FSTL5: variants seen among roughly 807,000 people sequenced by gnomAD.
FSTL5 encodes follistatin like 5.
A neutral mutation model predicts 89.1 loss-of-function variants in FSTL5; 62 were observed. The observed-to-expected ratio is 0.70, with a 90% confidence interval of 0.57 to 0.86. The LOEUF is 0.86. Among genes scored for constraint, FSTL5 ranks in the 40% least tolerant of loss-of-function variants. The pLI, the probability that FSTL5 is intolerant of heterozygous loss-of-function variation, is 0.00. For missense variants in FSTL5, 1,057 were observed against 1,001.6 expected (o/e 1.06, Z -0.75); for synonymous variants, 383 against 346.2 (o/e 1.11, Z -1.18).
intron 3 of FSTL5, among the ~76,000 whole-genome samples, chr4:161,980,169 A>AAAAG (rs368661901): frequency 0.13 from 20,174 of 150,038 alleles, 2,011 homozygotes; most frequent in African/African-American, 0.28. Context: ...GAAAGAAAGA[A>AAAAG]AAAGAAAGAG....
chr4:161,432,355 G>C (rs4691009), intron 15 of FSTL5, among the ~76,000 whole-genome samples: 114,315 of 151,954 alleles, frequency 0.75, 43,204 homozygotes, highest in South Asian at 0.94. Flanking sequence ...TCCTGAATGA[G>C]CAGCGAGTCA....
chr4:161,418,419 T>C (rs1731862034), intron 15 of FSTL5, among the ~76,000 whole-genome samples: 1 of 152,168 alleles, frequency 6.6e-6, no homozygotes, highest in Admixed American at 6.5e-5. Flanking sequence ...CCCACCTTAT[T>C]TGTTACTGCT....
At chr4:161,838,999 T>C (rs1731132856) in intron 4 of FSTL5, among the ~76,000 whole-genome samples, 2 of 151,904 alleles carry the variant, frequency 1.3e-5, no homozygotes, top group African/African-American at 4.8e-5. Context: ...AAATGAGAAA[T>C]CTTCAAACCA....
At chr4:162,090,763 G>A (rs953015528) in intron 2 of FSTL5, among the ~76,000 whole-genome samples, 4 of 151,920 alleles carry the variant, frequency 2.6e-5, no homozygotes, top group Admixed American at 6.6e-5. Context: ...AGGTTCCAGT[G>A]AGCCGAGATT....
rs1037091397 is a variant in FSTL5 at position 161,920,448 on chromosome 4, T to G, written c.365A>C (p.Lys122Thr). The change falls in exon 4 of 16, where the codon AAA (lysine) becomes ACA (threonine). Residue 122 changes from lysine (K) to threonine (T), a missense_variant. Physicochemically the swap from Lys to Thr is moderately conservative, Grantham distance 78. Around this residue, in one of 3 missense-constraint regions of FSTL5, gnomAD observed 980 missense variants for 903.2 expected, o/e 1.08. Transcript: ENST00000306100. ...CEVHRAACLK[K>T]QKITIVHNED... The stretch of plus-strand genomic sequence containing the variant: ...ATTGTGAACAATGGTAATCTTTTGT[T>G]TTTTCAGGCAAGCAGCTCTGTGCAC... 3 of 1,614,002 alleles carry G rather than the reference T, an allele frequency of 1.9e-6. No homozygotes were observed. Among genetic ancestry groups the G allele is most frequent in the Non-Finnish European group, 2.5e-6 (3 of 1,179,954 alleles).
intron 2 of FSTL5, among the ~76,000 whole-genome samples, chr4:162,085,145 T>C (rs924259180): frequency 9.2e-5 from 14 of 152,120 alleles, no homozygotes; most frequent in Non-Finnish European, 2.1e-4. Context: ...TAATTTATTC[T>C]GTCCCAACAA....
chr4:161,466,754 C>A (rs928118992), intron 13 of FSTL5, among the ~76,000 whole-genome samples: 6 of 151,928 alleles, frequency 3.9e-5, no homozygotes, highest in African/African-American at 1.2e-4. Context: ...AAAGGAACAC[C>A]AAGTTTATAG....
intron 6 of FSTL5, among the ~76,000 whole-genome samples, chr4:161,721,729 A>G (rs1218894423): frequency 6.6e-6 from 1 of 152,196 alleles, no homozygotes; most frequent in East Asian, 1.9e-4. Context: ...CTGCGTCAGA[A>G]AAATTAAGTG....
At chr4:161,669,257 T>G (rs1048053111) in intron 6 of FSTL5, among the ~76,000 whole-genome samples, 6 of 152,084 alleles carry the variant, frequency 3.9e-5, no homozygotes, top group African/African-American at 1.4e-4. Context: ...GCAATCCCAG[T>G]CAAAATTCCA....
At chr4:162,038,611 G>C (rs1737829459) in intron 2 of FSTL5, among the ~76,000 whole-genome samples, 1 of 151,758 alleles carries the variant, frequency 6.6e-6, no homozygotes, top group South Asian at 2.1e-4. Flanking sequence ...TTTTAACTGG[G>C]CTGAATGTGA....
At chr4:161,718,037 C>T (rs758955372) in intron 6 of FSTL5, among the ~76,000 whole-genome samples, 14 of 152,086 alleles carry the variant, frequency 9.2e-5, no homozygotes, top group Non-Finnish European at 1.6e-4. Flanking sequence ...GAAAAGACTG[C>T]TTCTTCTGTC....
intron 2 of FSTL5, among the ~76,000 whole-genome samples, chr4:162,051,886 A>G (rs1460394482): frequency 6.6e-6 from 1 of 151,650 alleles, no homozygotes; most frequent in Non-Finnish European, 1.5e-5. Context: ...ATAGAATAGA[A>G]ACTATTCATC....
chr4:161,741,229 A>G (rs1184651033), intron 6 of FSTL5, among the ~76,000 whole-genome samples: 1 of 152,202 alleles, frequency 6.6e-6, no homozygotes, highest in Non-Finnish European at 1.5e-5. Flanking sequence ...AATTTACCAG[A>G]TAGAATTAAG....
intron 4 of FSTL5, among the ~76,000 whole-genome samples, chr4:161,795,892 T>C (rs997619942): frequency 6.6e-6 from 1 of 151,998 alleles, no homozygotes; most frequent in African/African-American, 2.4e-5. Flanking sequence ...TCCAGCTTTG[T>C]TGTTCTTTAT....
Position 162,061,728 on chromosome 4 carries a change from C to T in FSTL5, c.127-28070G>A, listed in dbSNP as rs1370968095. 3.9e-5 allele frequency among the ~76,000 whole-genome samples: 6 copies of T among 152,072 alleles called. No homozygotes were observed. In the East Asian group the frequency reaches 9.7e-4, roughly 24 times the overall value. On this transcript the variant is annotated intron_variant, in intron 2 of 15. Transcript: ENST00000306100. ...CTAAACACAGGGTCCCATGCAAATG[C>T]ATGAGTTACATATGCATAAAGGCAG...
intron 6 of FSTL5, among the ~76,000 whole-genome samples, chr4:161,727,642 C>T (rs1338193836): frequency 6.6e-6 from 1 of 152,092 alleles, no homozygotes; most frequent in African/African-American, 2.4e-5. Context: ...GAATTTGGTG[C>T]CATTTTTTCC....
At chr4:161,905,296 A>G (rs989177486) in intron 4 of FSTL5, among the ~76,000 whole-genome samples, 4 of 152,144 alleles carry the variant, frequency 2.6e-5, no homozygotes, top group Non-Finnish European at 5.9e-5. Flanking sequence ...ACCATAGACT[A>G]TATCTGCAAG....
chr4:161,445,056 A>G (rs901312051), intron 15 of FSTL5, among the ~76,000 whole-genome samples: 2 of 152,006 alleles, frequency 1.3e-5, no homozygotes, highest in African/African-American at 4.8e-5. Context: ...AAAATCTACA[A>G]TTGAGCAATA....
chr4:161,474,011 C>T (rs1734039228), intron 13 of FSTL5, among the ~76,000 whole-genome samples: 1 of 152,072 alleles, frequency 6.6e-6, no homozygotes, highest in South Asian at 2.1e-4. Context: ...TTCTATATGC[C>T]TTACAGATTT....
Sources: gnomAD v4.1 joint callset for allele counts (sites outside exome capture counted in the v4.1 genomes callset) on GRCh38, gnomAD v4.1.1 for gene constraint, gnomAD v4.1.1 regional missense constraint, MANE v1.5 for transcripts, NCBI Gene and HGNC (gene_info 2026-07-23, HGNC 2026-07-21) for gene names.